The following PATZ1 variants were observed in gnomAD, a reference collection of about 807,000 sequenced individuals.
PATZ1 encodes the protein POZ/BTB and AT hook containing zinc finger 1, also known as POZ-, AT hook-, and zinc finger-containing protein 1.
In PATZ1, 9 loss-of-function variants were observed where a neutral mutation model predicts 46.2. That is an observed-to-expected ratio of 0.19 (90% confidence interval 0.12 to 0.34). PATZ1 has a LOEUF of 0.34. Ranked by LOEUF, PATZ1 falls within the 10% of genes least tolerant of loss-of-function variation. The probability of loss-of-function intolerance (pLI) is 1.00; values close to 1 mark genes in which losing one functional copy is unlikely to be tolerated. For missense variants in PATZ1, 632 were observed against 923.0 expected, an observed-to-expected ratio of 0.68 and a Z score of 4.08; for synonymous variants, 426 against 378.6, an observed-to-expected ratio of 1.13 and a Z score of -1.45.
chr22:31,338,527 G>A (rs139329708), intron 2 of PATZ1, among the ~76,000 whole-genome samples: 1 of 152,298 alleles, frequency 6.6e-6, no homozygotes, highest in Non-Finnish European at 1.5e-5. Context: ...CCAGTGACAG[G>A]CCACAGTAGG....
At position 31,345,730 on chromosome 22, in the gene PATZ1, G is replaced by A. The variant is rs980848436; in HGVS notation, c.-128C>T. ...ACACGTGCCGGCCCGAGGCTCTGTA[G>A]TCTCGCAGGTGCGCCGAGTGTACAC... On this transcript the variant is annotated 5_prime_UTR_variant, in exon 1 of 5. Coordinates refer to ENST00000266269, the MANE Select transcript of PATZ1 (RefSeq NM_014323.3). This position sits in a 1 kb window ranked among gnomAD's most constrained non-coding sequence, Gnocchi z 7.4. 5.8e-5 allele frequency: 55 copies of A among 950,292 alleles called. No homozygotes were observed. The highest frequency in any genetic ancestry group is 8.0e-5 in the Non-Finnish European group (53 of 659,588). 58.9% of individuals were successfully genotyped at this position (950,292 alleles called of 1,614,324 possible).
rs1213735849 is a variant in PATZ1 at position 31,326,960 on chromosome 22, C to T, written c.1995G>A (p.Gln665=). 8 of 1,614,074 alleles carry T rather than the reference C, an allele frequency of 5.0e-6. No homozygotes were observed. The highest frequency in any genetic ancestry group is 6.8e-6 in the Non-Finnish European group (8 of 1,180,046). The change falls in exon 5 of 5, where the codon CAG becomes CAA. Residue 665 remains glutamine, a synonymous_variant. Coordinates refer to ENST00000266269, the MANE Select transcript of PATZ1 (RefSeq NM_014323.3). ...CTACTAAAGATGACGCAAATGCCGA[C>T]TGAACAATCTGAAACCCAAAGGACT... ...LLESFGFQIV[Q]SAFASSLVDP...
At chr22:31,335,500 C>G (rs1412608644) in intron 3 of PATZ1, 192 bp downstream of exon 3, 3 of 561,644 alleles carry the variant, frequency 5.3e-6, no homozygotes, top group Non-Finnish European at 9.3e-6. Flanking sequence ...CCATTCTAAG[C>G]ACCCCAAGCT....
At chr22:31,339,327 G>C (rs146519973) in intron 2 of PATZ1, among the ~76,000 whole-genome samples, 1 of 152,302 alleles carries the variant, frequency 6.6e-6, no homozygotes, top group East Asian at 1.9e-4. Flanking sequence ...TCAAAGCCAA[G>C]CTGAAGTGAT....
At position 31,325,995 on chromosome 22, in the gene PATZ1, T is replaced by C. The variant is rs2049367313; in HGVS notation, c.*896A>G. ...GACCAGACTGGCATTTTTTAAAATT[T>C]TGCATAAAACTATTTCTTCCATAGA... On this transcript the variant is annotated 3_prime_UTR_variant, in exon 5 of 5. Transcript: ENST00000266269. 4.7e-6 allele frequency: 1 copy of C among 212,140 alleles called. No individual in the cohort carries two copies. The highest frequency in any genetic ancestry group is 9.6e-6 in the Non-Finnish European group (1 of 104,572). The allele number at this position is 212,140 out of a possible 1,614,324, so 13.1% of individuals were successfully genotyped here. A position where few individuals can be genotyped will look rare whatever the true frequency, so the allele number is the denominator to read the frequency against.
chr22:31,341,634 C>A (rs1266196834), intron 2 of PATZ1: 1 of 1,613,918 alleles, frequency 6.2e-7, no homozygotes, highest in African/African-American at 1.3e-5. Flanking sequence ...TGGCAGGTCG[C>A]TAGGAAGAGG....
At chr22:31,343,413 C>G (rs1383890008) in intron 1 of PATZ1, 1 of 988,648 alleles carries the variant, frequency 1.0e-6, no homozygotes, top group Non-Finnish European at 1.2e-6. Context: ...GGATGGAATT[C>G]AGTCCCCAGA....
In PATZ1 at chr22:31,326,906, C is replaced by A. The variant is rs896286812; in HGVS notation, c.2049G>T (p.Gly683=). The change falls in exon 5 of 5, where the codon GGG becomes GGT. Residue 683 remains glycine, a synonymous_variant. Transcript: ENST00000266269. ...VDPEVDQQPM[G]PEGK ...AGCAGCTGCCTCATTTCCCTTCAGG[C>A]CCCATGGGCTGCTGGTCAACCTCAG... is the stretch of plus-strand genomic sequence containing the variant. 6.2e-7 allele frequency: 1 copy of A among 1,612,978 alleles called. No homozygotes were observed. The highest frequency in any genetic ancestry group is 1.7e-5 in the Admixed American group (1 of 59,882).
At chr22:31,329,359 T>G (rs528875916) in intron 3 of PATZ1, among the ~76,000 whole-genome samples, 6 of 152,328 alleles carry the variant, frequency 3.9e-5, no homozygotes, top group Admixed American at 2.6e-4. Flanking sequence ...GCCAGCAGGA[T>G]GCCTGCTTAA....
rs921777389 is a variant in PATZ1, at chr22:31,341,274, C to T, written c.1335+1623G>A. 1.5e-5 allele frequency: 21 copies of T among 1,426,544 alleles called. No individual in the cohort carries two copies. The Admixed American group carries it at 4.4e-4, about 30-fold the overall frequency. 88.4% of individuals were successfully genotyped at this position (1,426,544 alleles called of 1,614,324 possible). ...GGGGGCTCTGACATGGGAAAGACTC[C>T]GAGTCACCCAGGGAGGAGCTGGGCA... On this transcript the variant is annotated intron_variant, in intron 2 of 4. Transcript: ENST00000266269.
Position 31,345,820 on chromosome 22 carries a change from G to A in PATZ1, c.-218C>T. ...ACCACCCCCCACATAGCCAACCCCC[G>A]CCCTCGCTGGACTGCGCGCCACTCT... On this transcript the variant is annotated 5_prime_UTR_variant, in exon 1 of 5. Transcript: ENST00000266269. This position sits in a 1 kb window ranked among gnomAD's most constrained non-coding sequence, Gnocchi z 7.4. The A allele has an allele frequency of 2.2e-6, 1 of 456,502 alleles. No individual in the cohort carries two copies. The highest frequency in any genetic ancestry group is 3.8e-6 in the Non-Finnish European group (1 of 260,972). The allele number at this position is 456,502 out of a possible 1,614,324, so 28.3% of individuals were successfully genotyped here. A position where few individuals can be genotyped will look rare whatever the true frequency, so the allele number is the denominator to read the frequency against.
In PATZ1 at chr22:31,328,978, C is replaced by A; in HGVS notation, c.1508-54G>T. 6.8e-7 allele frequency: 1 copy of A among 1,462,294 alleles called. No homozygotes were observed. Among genetic ancestry groups the A allele is most frequent in the Admixed American group, 2.2e-5 (1 of 46,130 alleles). The allele number at this position is 1,462,294 out of a possible 1,614,324, so 90.6% of individuals were successfully genotyped here. A position where few individuals can be genotyped will look rare whatever the true frequency, so the allele number is the denominator to read the frequency against. On this transcript the variant is annotated intron_variant, in intron 3 of 4. Transcript: ENST00000266269. This position sits in a 1 kb window ranked among gnomAD's most constrained non-coding sequence, Gnocchi z 4.8. ...CGCGGCCAGCAAGAGATACCTCTCT[C>A]CTTCCCCCAACTCCTCTCCTCTGGC...
intron 2 of PATZ1, 152 bp downstream of exon 2, chr22:31,342,745 G>A: frequency 1.4e-6 from 1 of 735,908 alleles, no homozygotes; most frequent in Admixed American, 2.4e-5. Context: ...CAAAGGAGGA[G>A]AGCAGAGGGA....
At chr22:31,343,282 G>A (rs1447860390) in intron 1 of PATZ1, 1 of 1,081,496 alleles carries the variant, frequency 9.2e-7, no homozygotes, top group Non-Finnish European at 1.1e-6. Context: ...AAACAGAGCT[G>A]CCTCACTGCA....
intron 2 of PATZ1, among the ~76,000 whole-genome samples, chr22:31,338,991 G>A (rs991576350): frequency 1.3e-5 from 2 of 152,298 alleles, no homozygotes; most frequent in African/African-American, 2.4e-5. Context: ...CTCTGGGAGA[G>A]GGAGCCACAA....
intron 3 of PATZ1, 112 bp downstream of exon 3, chr22:31,335,577 TAGG>T: frequency 1.1e-6 from 1 of 914,424 alleles, no homozygotes; most frequent in South Asian, 1.7e-5. Context: ...CAGTGGGAAG[TAGG>T]GGGTGGCTGT....
At chr22:31,343,065 A>G in intron 1 of PATZ1, 105 bp from the exon 2 acceptor site, 1 of 1,540,796 alleles carries the variant, frequency 6.5e-7, no homozygotes. Flanking sequence ...CACTGCTGGA[A>G]AGGACTCCCT....
intron 2 of PATZ1, among the ~76,000 whole-genome samples, chr22:31,339,082 T>G (rs919483784): frequency 5.3e-5 from 8 of 152,194 alleles, no homozygotes; most frequent in Non-Finnish European, 8.8e-5. Flanking sequence ...CCTGTCATGC[T>G]TTGCTACCTA....
At chr22:31,341,769 G>A (rs1364031828) in intron 2 of PATZ1, 28 of 1,169,776 alleles carry the variant, frequency 2.4e-5, no homozygotes, top group South Asian at 6.0e-5. Context: ...TACTCTGCCC[G>A]GGCTAATCAG....
Sources: gnomAD v4.1 joint callset for allele counts (sites outside exome capture counted in the v4.1 genomes callset) on GRCh38, gnomAD v4.1.1 for gene constraint, Gnocchi (gnomAD v3.1) non-coding constraint, MANE v1.5 for transcripts, NCBI Gene and HGNC (gene_info 2026-07-23, HGNC 2026-07-21) for gene names.